HSH2D: variants seen among roughly 807,000 people sequenced by gnomAD.
HSH2D encodes the protein hematopoietic SH2 domain-containing protein.
Under a neutral mutation model 21.5 loss-of-function variants are expected in HSH2D, and 16 were observed. The ratio of observed to expected loss-of-function variants is 0.74; its 90% CI spans 0.50 to 1.13. HSH2D has a LOEUF of 1.13. HSH2D is among the 50% of genes most tolerant of loss of function. The probability of loss-of-function intolerance (pLI) is 0.00; values close to 1 mark genes in which losing one functional copy is unlikely to be tolerated. For missense variants in HSH2D, 418 were observed against 441.4 expected (o/e 0.95, Z 0.47); for synonymous variants, 172 against 184.7 (o/e 0.93, Z 0.56).
Position 16,157,280 on chromosome 19 carries a change from C to A in HSH2D, c.545C>A (p.Thr182Asn), listed in dbSNP as rs760644642. 9.3e-6 allele frequency: 15 copies of A among 1,609,484 alleles called. No homozygotes were observed. Among genetic ancestry groups the A allele is most frequent in the East Asian group, 2.2e-5 (1 of 44,866 alleles). The change falls in exon 6 of 6, where the codon ACC (threonine) becomes AAC (asparagine). Residue 182 changes from threonine (T) to asparagine (N), a missense_variant. Transcript: ENST00000613986. The surrounding 1 kb of genome is among the most constrained non-coding windows in gnomAD (Gnocchi z 4.4). Reference protein sequence around the residue: ...RKPSAEMNRITTKEATSSCPP... With the variant: ...RKPSAEMNRINTKEATSSCPP... ...CCGTCAGCAGAGATGAACAGAATAACCACCAAGGAAGCCACTTCCTCCTGC... is the reference window on the plus strand; with the variant it reads ...CCGTCAGCAGAGATGAACAGAATAAACACCAAGGAAGCCACTTCCTCCTGC...
At chr19:16,140,823 G>T (rs1426693294), upstream of HSH2D, among the ~76,000 whole-genome samples, 1 of 152,064 alleles carries the variant, frequency 6.6e-6, no homozygotes, top group Non-Finnish European at 1.5e-5. Flanking sequence ...GGAAGTAGAG[G>T]CTGTGGTGAG....
Position 16,152,537 on chromosome 19 carries a change from T to C in HSH2D, c.126-15T>C, listed in dbSNP as rs201712455. Reference sequence around the variant, plus strand: ...GCTGGACTGTTTCATTTCCTTTCTGTGTGTGCCCTTCCAGGGATGCTGAGA... The same window carrying C: ...GCTGGACTGTTTCATTTCCTTTCTGCGTGTGCCCTTCCAGGGATGCTGAGA... On this transcript the variant is annotated splice_polypyrimidine_tract_variant and intron_variant, in intron 2 of 5. Transcript: ENST00000613986. 4.0e-3 allele frequency: 5,805 copies of C among 1,468,774 alleles called. 26 individuals are homozygous for C. The highest frequency in any genetic ancestry group is 5.1e-3 in the Middle Eastern group (28 of 5,520). 91.0% of individuals were successfully genotyped at this position (1,468,774 alleles called of 1,614,324 possible).
intron 1 of HSH2D, among the ~76,000 whole-genome samples, chr19:16,147,897 G>A (rs1438517632): frequency 6.6e-6 from 1 of 152,020 alleles, no homozygotes; most frequent in Non-Finnish European, 1.5e-5. Flanking sequence ...CACCTGCCTT[G>A]GCCTCCCAAA....
In HSH2D at chr19:16,152,604, GT is replaced by G. The variant is rs759992364; in HGVS notation, c.179del (p.Val60AlafsTer23). 1.3e-6 allele frequency: 2 copies of G among 1,517,310 alleles called. No homozygotes were observed. The highest frequency in any genetic ancestry group is 1.8e-6 in the Non-Finnish European group (2 of 1,135,458). The allele number at this position is 1,517,310 out of a possible 1,614,324, so 94.0% of individuals were successfully genotyped here. A position where few individuals can be genotyped will look rare whatever the true frequency, so the allele number is the denominator to read the frequency against. The part of the protein sequence containing the change: ...SQPLGSFLIR[V>X]SHSHVGYTLS... ...GCCACTGGGATCCTTTCTCATCAGG[GT>G]CAGTCACAGCCATGTGGGCTACACA... is the stretch of plus-strand genomic sequence containing the variant. On this transcript the variant is annotated frameshift_variant, in exon 3 of 6. Transcript: ENST00000613986. LOFTEE classifies it high-confidence loss of function.
chr19:16,145,470 C>T (rs1258873967), intron 1 of HSH2D, among the ~76,000 whole-genome samples: 1 of 152,200 alleles, frequency 6.6e-6, no homozygotes, highest in Non-Finnish European at 1.5e-5. Context: ...GCCTCAGGCT[C>T]TGACAGTGCT....
At chr19:16,154,531 G>A (rs376245483) in intron 5 of HSH2D, 40 bp downstream of exon 5, 34 of 1,314,942 alleles carry the variant, frequency 2.6e-5, no homozygotes, top group Non-Finnish European at 3.4e-5. Flanking sequence ...CCACCTGGCT[G>A]AGGGGCAGGA....
chr19:16,148,889 C>G lies in HSH2D; in HGVS notation c.125+14C>G, dbSNP rs1311400997. On this transcript the variant is annotated intron_variant, in intron 2 of 5. Transcript: ENST00000613986. ...AATCTCAAGAGAGTGAGGACACACCCACACCCTCCACCCTGCCCTCCCCAC... is the reference window on the plus strand; with the variant it reads ...AATCTCAAGAGAGTGAGGACACACCGACACCCTCCACCCTGCCCTCCCCAC... The G allele has an allele frequency of 6.2e-7, 1 of 1,600,346 alleles. No homozygotes were observed. Among genetic ancestry groups the G allele is most frequent in the Admixed American group, 1.7e-5 (1 of 58,718 alleles).
chr19:16,149,822 C>T (rs1444669857), intron 2 of HSH2D, among the ~76,000 whole-genome samples: 1 of 149,958 alleles, frequency 6.7e-6, no homozygotes, highest in African/African-American at 2.4e-5. Context: ...CTCAAGTGAT[C>T]TGCCGGCCTC....
chr19:16,153,249 G>C, intron 4 of HSH2D, 41 bp downstream of exon 4: 2 of 1,461,554 alleles, frequency 1.4e-6, no homozygotes, highest in South Asian at 1.4e-5. Context: ...CATTTCCTTG[G>C]GGCCAAGCCC....
chr19:16,150,711 T>C (rs2091136979), intron 2 of HSH2D, among the ~76,000 whole-genome samples: 1 of 145,074 alleles, frequency 6.9e-6, no homozygotes, highest in Non-Finnish European at 1.5e-5. Flanking sequence ...TTAAAAAAAT[T>C]AGCCAGGCGT....
intron 4 of HSH2D, 131 bp from the exon 5 acceptor site, chr19:16,154,268 G>A (rs918548403): frequency 6.1e-5 from 35 of 569,156 alleles, no homozygotes; most frequent in Non-Finnish European, 1.0e-4. Flanking sequence ...TTCTTATAAC[G>A]CTTAGTGGGC....
At chr19:16,149,817 G>C (rs899897319) in intron 2 of HSH2D, among the ~76,000 whole-genome samples, 2 of 151,820 alleles carry the variant, frequency 1.3e-5, no homozygotes, top group African/African-American at 2.4e-5. Flanking sequence ...CTGACCTCAA[G>C]TGATCTGCCG....
At chr19:16,146,725 A>G (rs1203179106) in intron 1 of HSH2D, among the ~76,000 whole-genome samples, 3 of 151,882 alleles carry the variant, frequency 2.0e-5, no homozygotes, top group Admixed American at 2.0e-4. Flanking sequence ...ACCCTTTTTG[A>G]CCACCACCGT....
chr19:16,146,970 C>T (rs2091079966), intron 1 of HSH2D, among the ~76,000 whole-genome samples: 1 of 151,756 alleles, frequency 6.6e-6, no homozygotes, highest in Non-Finnish European at 1.5e-5. Context: ...GGATTACAGG[C>T]ACCCACCACC....
exon 1 of HSH2D, chr19:16,134,055 A>C (rs2090942952): frequency 6.6e-6 from 1 of 152,374 alleles, no homozygotes; most frequent in Admixed American, 6.5e-5. Context: ...ACCCAGGTCC[A>C]GTCATTCCCT....
In HSH2D at chr19:16,153,332, C is replaced by A. The variant is rs1369832003; in HGVS notation, c.381+124C>A. ...GTCACTCTCATGGTCCTTGGCCCCT[C>A]CGGCCCCACCCCAGTAGTCCCTCTG... is the stretch of plus-strand genomic sequence containing the variant. On this transcript the variant is annotated intron_variant, in intron 4 of 5. Transcript: ENST00000613986. The A allele has an allele frequency of 5.3e-6, 5 of 936,000 alleles. No homozygotes were observed. The African/African-American group carries it at 8.4e-5, about 16-fold the overall frequency. 58.0% of individuals were successfully genotyped at this position (936,000 alleles called of 1,614,324 possible). A position where few individuals can be genotyped will look rare whatever the true frequency, so the allele number is the denominator to read the frequency against.
At chr19:16,139,966 T>A (rs2090989276), upstream of HSH2D, 1 of 152,192 alleles carries the variant, frequency 6.6e-6, no homozygotes, top group Admixed American at 6.6e-5. Flanking sequence ...AGACGTTAGT[T>A]TGTGGGAGAC....
chr19:16,139,162 C>A (rs1482794946), upstream of HSH2D, among the ~76,000 whole-genome samples: 1 of 152,220 alleles, frequency 6.6e-6, no homozygotes, highest in African/African-American at 2.4e-5. Flanking sequence ...CCGGCCCGAT[C>A]TTGCCTTCTG....
rs770365331 is a variant in HSH2D at position 16,157,783 on chromosome 19, G to T, written c.1048G>T (p.Gly350Trp). 6.2e-6 allele frequency: 10 copies of T among 1,600,544 alleles called. No individual in the cohort carries two copies. Among genetic ancestry groups the T allele is most frequent in the Non-Finnish European group, 7.6e-6 (9 of 1,176,640 alleles). Residue 350 changes from glycine (G) to tryptophan (W), a missense_variant, in exon 6 of 6, where the codon GGG becomes TGG. Transcript: ENST00000613986. This position sits in a 1 kb window ranked among gnomAD's most constrained non-coding sequence, Gnocchi z 4.4. Reference sequence around the variant, plus strand: ...CCAACAACCGCCACCCTTTGCCCCTGGGTACTGCTAGAGAACAGGTCCACC... The same window carrying T: ...CCAACAACCGCCACCCTTTGCCCCTTGGTACTGCTAGAGAACAGGTCCACC... Reference protein sequence around the residue: ...EYQQPPPFAPGYC With the variant: ...EYQQPPPFAPWYC
Sources: gnomAD v4.1 joint callset for allele counts (sites outside exome capture counted in the v4.1 genomes callset) on GRCh38, gnomAD v4.1.1 for gene constraint, Gnocchi (gnomAD v3.1) non-coding constraint, MANE v1.5 for transcripts, NCBI Gene and HGNC (gene_info 2026-07-23, HGNC 2026-07-21) for gene names.